SLC15A5: variants seen among roughly 807,000 people sequenced by gnomAD.
The protein encoded by SLC15A5 is solute carrier family 15 member 5, also known as Peptide/histidine transporter ENSP00000340402.
In SLC15A5, 58 loss-of-function variants were observed where a neutral mutation model predicts 56.1. The ratio of observed to expected loss-of-function variants is 1.03; its 90% CI spans 0.84 to 1.29. The LOEUF is 1.29. Among genes scored for constraint, SLC15A5 ranks in the 50% most tolerant of loss-of-function variants. The pLI is 0.00. For missense variants in SLC15A5, 681 were observed against 672.1 expected (o/e 1.01, Z -0.15); for synonymous variants, 264 against 250.5 (o/e 1.05, Z -0.51).
At chr12:16,249,818 G>A (rs770361034) in intron 3 of SLC15A5, among the ~76,000 whole-genome samples, 10 of 152,150 alleles carry the variant, frequency 6.6e-5, no homozygotes, top group Non-Finnish European at 1.5e-4. Context: ...ATATGTGTGT[G>A]CGTATTCACA....
In SLC15A5 at chr12:16,256,858, CAAAAA is replaced by C. The variant is rs370679232; in HGVS notation, c.754+838_754+842del. 3.9e-4 allele frequency among the ~76,000 whole-genome samples: 52 copies of C among 132,498 alleles called. 1 individual carries two copies. The South Asian group carries it at 7.6e-3, about 19-fold the overall frequency. 86.9% of individuals were successfully genotyped at this position (132,498 alleles called of 152,430 possible). ...TGGACGACAGAGAGAGGCTCCGTCT[CAAAAA>C]AAAAAAATAATAATAATAATAAATT... On this transcript the variant is annotated intron_variant, in intron 3 of 8. Coordinates refer to ENST00000344941, the MANE Select transcript of SLC15A5 (RefSeq NM_001170798.1).
At chr12:16,199,702 C>T (rs1292317116) in intron 7 of SLC15A5, among the ~76,000 whole-genome samples, 5 of 151,992 alleles carry the variant, frequency 3.3e-5, no homozygotes, top group Non-Finnish European at 2.9e-5. Context: ...AATGATCACA[C>T]GTATCTTGAA....
chr12:16,219,545 C>T lies in SLC15A5; in HGVS notation c.1352-2521G>A, dbSNP rs117282915. ...TAATTATTAATCCTATGCTTTTCTC[C>T]TGCTAGAACTTCTGGTACGGTATAT... On this transcript the variant is annotated intron_variant, in intron 6 of 8. Transcript: ENST00000344941. 1.4e-3 allele frequency among the ~76,000 whole-genome samples: 217 copies of T among 152,232 alleles called. 6 individuals are homozygous for T. The East Asian group carries it at 0.026, about 18-fold the overall frequency.
Position 16,237,727 on chromosome 12 carries a change from T to G in SLC15A5, c.1162+1954A>C, listed in dbSNP as rs2136256650. ...GAATATTTTTCTAGGGTACCCAAAA[T>G]TTTAAAATTTGTGGTAATTAAGCAT... On this transcript the variant is annotated intron_variant, in intron 5 of 8. Coordinates refer to ENST00000344941, the MANE Select transcript of SLC15A5 (RefSeq NM_001170798.1). The surrounding 1 kb of genome is among the most constrained non-coding windows in gnomAD (Gnocchi z 4.1). Among the ~76,000 whole-genome samples the G allele has an allele frequency of 6.6e-6, 1 of 152,254 alleles. No individual in the cohort carries two copies. The highest frequency in any genetic ancestry group is 2.4e-5 in the African/African-American group (1 of 41,574).
rs1864219989 is a variant in SLC15A5, at chr12:16,224,507, C to T, written c.1258G>A (p.Gly420Arg). 1.3e-6 allele frequency: 2 copies of T among 1,537,136 alleles called. No homozygotes were observed. The highest frequency in any genetic ancestry group is 1.7e-6 in the Non-Finnish European group (2 of 1,146,888). ...HFPAVEQPLS[G>R]KVLTVSSMPC... is the part of the protein sequence containing the mutation. ...ATGGAGGAAACAGTGAGAACTTTTC[C>T]TGAAAGGGGCTGCTCCACTGCAGGG... Residue 420 changes from glycine (G) to arginine (R), a missense_variant, in exon 6 of 9, where the codon GGA (glycine) becomes AGA (arginine). Coordinates refer to ENST00000344941, the MANE Select transcript of SLC15A5 (RefSeq NM_001170798.1).
At chr12:16,228,579 G>T (rs1436930615) in intron 5 of SLC15A5, among the ~76,000 whole-genome samples, 1 of 152,056 alleles carries the variant, frequency 6.6e-6, no homozygotes, top group Admixed American at 6.5e-5. Context: ...GGTTTGAACT[G>T]CTCAGGTACA....
rs1864393807 is a variant in SLC15A5, at chr12:16,239,731, G to A, written c.1112C>T (p.Thr371Ile). 5.2e-6 allele frequency: 8 copies of A among 1,537,396 alleles called. No individual in the cohort carries two copies. The highest frequency in any genetic ancestry group is 7.0e-6 in the Non-Finnish European group (8 of 1,146,924). ...AACTCTCTTAGAGGGAAACAGGCAGGTGCTGAAATACTCCAGAAAAGGAGC... is the reference window on the plus strand; with the variant it reads ...AACTCTCTTAGAGGGAAACAGGCAGATGCTGAAATACTCCAGAAAAGGAGC... Reference protein sequence around the residue: ...ILAPFLEYFSTCLFPSKRVGS... With the variant: ...ILAPFLEYFSICLFPSKRVGS... The change falls in exon 5 of 9, where the codon ACC becomes ATC. Residue 371 changes from threonine (T) to isoleucine (I), a missense_variant. Thr to Ile is a moderately conservative substitution (Grantham distance 89, BLOSUM62 -1). Transcript: ENST00000344941.
At chr12:16,221,410 A>G (rs10772910) in intron 6 of SLC15A5, among the ~76,000 whole-genome samples, 84,461 of 152,002 alleles carry the variant, frequency 0.56, 23,738 homozygotes, top group South Asian at 0.74. Context: ...AATAATGAGA[A>G]GCCAGTCATT....
chr12:16,259,902 G>GGGA (rs1415392918), intron 2 of SLC15A5, among the ~76,000 whole-genome samples: 1 of 149,992 alleles, frequency 6.7e-6, no homozygotes, highest in Non-Finnish European at 1.5e-5. Flanking sequence ...CCACCCGGGC[G>GGGA]GGGGGTAAGT....
At chr12:16,248,635 G>T (rs1294392682) in intron 3 of SLC15A5, among the ~76,000 whole-genome samples, 1 of 152,094 alleles carries the variant, frequency 6.6e-6, no homozygotes, top group East Asian at 1.9e-4. Context: ...TGTTAGGATG[G>T]ATACCTGTTG....
intron 5 of SLC15A5, among the ~76,000 whole-genome samples, chr12:16,238,205 G>A (rs1007328906): frequency 1.2e-4 from 19 of 152,162 alleles, no homozygotes; most frequent in Non-Finnish European, 8.8e-5. Flanking sequence ...ACTCCATGAT[G>A]TGATCTTGAG....
rs142099814 is a variant in SLC15A5 at position 16,198,241 on chromosome 12, T to C, written c.1484-3788A>G. ...GATGTATTTGTTCATTTGAAAGTCA[T>C]TTTTTAGAATTTTTTTGTGTACCAG... is the stretch of plus-strand genomic sequence containing the variant. On this transcript the variant is annotated intron_variant, in intron 7 of 8. Coordinates refer to ENST00000344941, the MANE Select transcript of SLC15A5 (RefSeq NM_001170798.1). 2.8e-3 allele frequency among the ~76,000 whole-genome samples: 422 copies of C among 152,316 alleles called. 3 individuals carry two copies. Among genetic ancestry groups the C allele is most frequent in the African/African-American group, 8.9e-3 (372 of 41,584 alleles).
chr12:16,254,100 G>A (rs1272643009), intron 3 of SLC15A5, among the ~76,000 whole-genome samples: 1 of 152,048 alleles, frequency 6.6e-6, no homozygotes, highest in Admixed American at 6.6e-5. Context: ...ATGTTATGTG[G>A]TATTAATATC....
At chr12:16,193,024 C>T (rs554497475) in intron 8 of SLC15A5, among the ~76,000 whole-genome samples, 5 of 152,124 alleles carry the variant, frequency 3.3e-5, no homozygotes, top group Admixed American at 3.3e-4. Flanking sequence ...TCAAACCTTA[C>T]CATAGGATAC....
Position 16,193,825 on chromosome 12 carries a change from GAGAGAGAGAGAGAGAGAGA to G in SLC15A5, c.1592+501_1592+519del, listed in dbSNP as rs1565654520. Among the ~76,000 whole-genome samples the G allele has an allele frequency of 1.7e-4, 21 of 123,106 alleles. 1 individual carries two copies. The highest frequency in any genetic ancestry group is 5.4e-4 in the African/African-American group (19 of 34,916). 80.8% of individuals were successfully genotyped at this position (123,106 alleles called of 152,430 possible). ...AGAGAGAGAGAGAGAGAGAGAGAGA[GAGAGAGAGAGAGAGAGAGA>G]GGCTGGCAATGGATGGGTGGATGGA... On this transcript the variant is annotated intron_variant, in intron 8 of 8. Coordinates refer to ENST00000344941, the MANE Select transcript of SLC15A5 (RefSeq NM_001170798.1).
chr12:16,251,446 A>G (rs150411470), intron 3 of SLC15A5, among the ~76,000 whole-genome samples: 2 of 151,944 alleles, frequency 1.3e-5, no homozygotes, highest in East Asian at 3.9e-4. Context: ...TATGTAGACT[A>G]AGAAAAATAG....
chr12:16,212,956 A>G (rs577750141), intron 7 of SLC15A5, among the ~76,000 whole-genome samples: 4 of 152,328 alleles, frequency 2.6e-5, no homozygotes, highest in Non-Finnish European at 5.9e-5. Flanking sequence ...AATTAAAAAA[A>G]GTTTCAAATT....
At chr12:16,266,292 C>T (rs1268826102) in intron 2 of SLC15A5, among the ~76,000 whole-genome samples, 1 of 146,192 alleles carries the variant, frequency 6.8e-6, no homozygotes, top group Non-Finnish European at 1.5e-5. Flanking sequence ...CTTTAGGAAA[C>T]TCTTTTTAAA....
intron 7 of SLC15A5, among the ~76,000 whole-genome samples, chr12:16,205,751 C>T (rs1473928895): frequency 6.6e-6 from 1 of 151,786 alleles, no homozygotes; most frequent in Non-Finnish European, 1.5e-5. Context: ...AGTGCAATAG[C>T]ATATTGCTTT....
Sources: gnomAD v4.1 joint callset for allele counts (sites outside exome capture counted in the v4.1 genomes callset) on GRCh38, gnomAD v4.1.1 for gene constraint, Gnocchi (gnomAD v3.1) non-coding constraint, MANE v1.5 for transcripts, NCBI Gene and HGNC (gene_info 2026-07-23, HGNC 2026-07-21) for gene names.